NEK4: variants seen among roughly 807,000 people sequenced by gnomAD.
NEK4 encodes the protein serine/threonine-protein kinase Nek4.
Under a neutral mutation model 98.4 loss-of-function variants are expected in NEK4, and 86 were observed. The observed-to-expected ratio is 0.87, with a 90% CI of 0.73 to 1.05. The LOEUF is 1.05. Ranked by LOEUF, NEK4 falls within the 50% of genes least tolerant of loss-of-function variation. The pLI is 0.00. For synonymous variants in NEK4, 328 were observed against 342.2 expected (o/e 0.96, Z 0.46); for missense variants, 898 against 950.3 (o/e 0.94, Z 0.72).
intron 15 of NEK4, among the ~76,000 whole-genome samples, chr3:52,713,794 C>CAA (rs10554436): frequency 1.7e-4 from 14 of 83,314 alleles, no homozygotes; most frequent in African/African-American, 4.7e-4. Context: ...AACTCCCTCT[C>CAA]AAAAAAAAAA....
In NEK4 at chr3:52,768,432, C is replaced by A; in HGVS notation, c.266G>T (p.Gly89Val). Residue 89 changes from glycine (G) to valine (V), a missense_variant, in exon 2 of 16, where the codon GGT (glycine) becomes GTT (valine). By Grantham distance (109) the Gly-to-Val change is moderately radical (BLOSUM62 -3). Coordinates refer to ENST00000233027, the MANE Select transcript of NEK4 (RefSeq NM_003157.6). ...LYIVMGFCEG[G>V]DLYRKLKEQK... Reference sequence around the variant, plus strand: ...CTCCTTGAGCTTTCGGTACAAATCACCTCCTTCACAGAAGCCCATGACAAT... The same window carrying A: ...CTCCTTGAGCTTTCGGTACAAATCAACTCCTTCACAGAAGCCCATGACAAT... 2 of 1,614,178 alleles carry A rather than the reference C, an allele frequency of 1.2e-6. No individual in the cohort carries two copies. Among genetic ancestry groups the A allele is most frequent in the Non-Finnish European group, 8.5e-7 (1 of 1,180,028 alleles).
At chr3:52,714,395 G>A (rs2097353177) in intron 15 of NEK4, among the ~76,000 whole-genome samples, 1 of 152,252 alleles carries the variant, frequency 6.6e-6, no homozygotes, top group East Asian at 1.9e-4. Context: ...AGGGAGGTGT[G>A]AGCGGTGATG....
chr3:52,740,750 C>T (rs2097384419), intron 13 of NEK4, among the ~76,000 whole-genome samples: 1 of 151,892 alleles, frequency 6.6e-6, no homozygotes, highest in African/African-American at 2.4e-5. Flanking sequence ...CAAAATCATG[C>T]CACTGCACTC....
At chr3:52,736,011 TAGG>T (rs1239343387) in intron 15 of NEK4, among the ~76,000 whole-genome samples, 2 of 152,204 alleles carry the variant, frequency 1.3e-5, no homozygotes, top group Non-Finnish European at 2.9e-5. Flanking sequence ...TGTGGTCTAG[TAGG>T]AGAAGTGGGG....
Position 52,770,657 on chromosome 3 carries a change from C to A in NEK4, c.90G>T (p.Lys30Asn), listed in dbSNP as rs866902962. 1 of 1,553,714 alleles carries A rather than the reference C, an allele frequency of 6.4e-7. No individual in the cohort carries two copies. The highest frequency in any genetic ancestry group is 8.7e-7 in the Non-Finnish European group (1 of 1,149,160). The change falls in exon 1 of 16, where the codon AAG (lysine) becomes AAT (asparagine). Residue 30 changes from lysine (K) to asparagine (N), a missense_variant. Physicochemically the swap from Lys to Asn is moderately conservative, Grantham distance 94. Transcript: ENST00000233027. Reference sequence around the variant, plus strand: ...GCCGGGCCCCACCCCTGCAGACCTGCTTGCCGTCCCGCCGGTGCTTCACAA... The same window carrying A: ...GCCGGGCCCCACCCCTGCAGACCTGATTGCCGTCCCGCCGGTGCTTCACAA... ...VTLVKHRRDG[K>N]QYVIKKLNLR...
intron 12 of NEK4, among the ~76,000 whole-genome samples, chr3:52,742,541 C>G (rs1335005332): frequency 2.0e-5 from 3 of 152,038 alleles, no homozygotes; most frequent in African/African-American, 7.2e-5. Flanking sequence ...GAAGAATTCC[C>G]AGAGTATTAT....
chr3:52,766,708 C>T (rs1265272372), intron 2 of NEK4, among the ~76,000 whole-genome samples: 1 of 152,218 alleles, frequency 6.6e-6, no homozygotes, highest in African/African-American at 2.4e-5. Flanking sequence ...GTTTACAAGC[C>T]GGGCGCAGTG....
At chr3:52,713,770 G>A (rs2097352521) in intron 15 of NEK4, among the ~76,000 whole-genome samples, 1 of 141,992 alleles carries the variant, frequency 7.0e-6, no homozygotes, top group African/African-American at 2.6e-5. Flanking sequence ...CTCTAGCCTG[G>A]GCAACAAGAG....
intron 7 of NEK4, among the ~76,000 whole-genome samples, chr3:52,750,750 T>C (rs552349626): frequency 2.0e-5 from 3 of 150,876 alleles, no homozygotes; most frequent in Non-Finnish European, 4.4e-5. Context: ...AACATGGCCA[T>C]GGCAAGGCCC....
rs563054036 is a variant in NEK4 at position 52,746,717 on chromosome 3, A to G, written c.1677+17T>C. 7.6e-6 allele frequency: 12 copies of G among 1,587,096 alleles called. No homozygotes were observed. The East Asian group carries it at 2.7e-4, about 36-fold the overall frequency. ...TTTCCCAAAGTCCACCTCCCAAACC[A>G]AAGCAAAATGACTTACAGCAAAGAG... On this transcript the variant is annotated intron_variant, in intron 9 of 15. Transcript: ENST00000233027.
chr3:52,739,704 C>A, intron 13 of NEK4, 70 bp from the exon 14 acceptor site: 1 of 1,334,470 alleles, frequency 7.5e-7, no homozygotes, highest in African/African-American at 1.5e-5. Context: ...AAATTACGTG[C>A]AAAACGACCT....
intron 13 of NEK4, among the ~76,000 whole-genome samples, 173 bp downstream of exon 13, chr3:52,741,236 CAA>C (rs35123782): frequency 2.0e-4 from 12 of 59,620 alleles, no homozygotes; most frequent in East Asian, 5.6e-4. Context: ...AACTCCGTCT[CAA>C]AAAAAAAAAA....
At chr3:52,765,076 T>G (rs1441487535) in intron 4 of NEK4, among the ~76,000 whole-genome samples, 1 of 152,082 alleles carries the variant, frequency 6.6e-6, no homozygotes, top group East Asian at 1.9e-4. Flanking sequence ...ATTGGCCAGG[T>G]GCAGTGGCTC....
Position 52,708,804 on chromosome 3 carries a change from T to C in NEK4, c.*2973A>G, listed in dbSNP as rs2097347390. 2.0e-5 allele frequency: 3 copies of C among 151,266 alleles called. No homozygotes were observed. In the South Asian group the frequency reaches 6.2e-4, roughly 31 times the overall value. 9.4% of individuals were successfully genotyped at this position (151,266 alleles called of 1,614,324 possible). ...CAGGTGATATTCAGTAACACTGCAG[T>C]GTAGCCAGAGCAAGGACATAAAACT... On this transcript the variant is annotated 3_prime_UTR_variant, in exon 16 of 16. Transcript: ENST00000233027.
chr3:52,733,798 A>G, intron 15 of NEK4: 3 of 421,050 alleles, frequency 7.1e-6, no homozygotes, highest in South Asian at 5.3e-5. Context: ...AGGTGAATCA[A>G]AATTTACACC....
chr3:52,727,901 A>AG (rs1233955701), intron 15 of NEK4, among the ~76,000 whole-genome samples: 1 of 152,208 alleles, frequency 6.6e-6, no homozygotes, highest in East Asian at 1.9e-4. Context: ...AGCAGTGCTA[A>AG]GGGGGGAATT....
chr3:52,752,933 T>C (rs563433915), intron 6 of NEK4, among the ~76,000 whole-genome samples: 2,835 of 73,388 alleles, frequency 0.039, 91 homozygotes, highest in Middle Eastern at 0.059. Context: ...TATATATATA[T>C]ACACACACAC....
chr3:52,762,177 A>G (rs1227712018), intron 5 of NEK4, among the ~76,000 whole-genome samples: 1 of 152,222 alleles, frequency 6.6e-6, no homozygotes, highest in Non-Finnish European at 1.5e-5. Flanking sequence ...ACACCTGTTT[A>G]GTAAAGGTAG....
intron 8 of NEK4, among the ~76,000 whole-genome samples, chr3:52,749,435 G>C (rs2097401449): frequency 6.6e-6 from 1 of 151,800 alleles, no homozygotes; most frequent in Admixed American, 6.6e-5. Flanking sequence ...TCCTGGACGG[G>C]AGACAATATT....
Sources: allele counts gnomAD v4.1 joint callset (sites outside exome capture counted in the v4.1 genomes callset), GRCh38; gene constraint gnomAD v4.1.1; transcripts MANE v1.5; gene names NCBI Gene and HGNC (gene_info 2026-07-23, HGNC 2026-07-21).